CAGE1: variants seen among roughly 807,000 people sequenced by gnomAD.
CAGE1 encodes cancer-associated gene 1 protein.
Under a neutral mutation model 94.9 loss-of-function variants are expected in CAGE1, and 66 were observed. The ratio of observed to expected loss-of-function variants is 0.70; its 90% CI spans 0.57 to 0.85. The LOEUF (loss-of-function observed/expected upper bound fraction) is 0.85. CAGE1 is among the 40% of genes least tolerant of loss of function. The probability of loss-of-function intolerance (pLI) is 0.00; values close to 1 mark genes in which losing one functional copy is unlikely to be tolerated. For missense variants in CAGE1, 865 were observed against 950.4 expected (o/e 0.91, Z 1.18); for synonymous variants, 319 against 321.0 (o/e 0.99, Z 0.07).
chr6:7,374,755 C>T (rs1469336193), intron 4 of CAGE1, among the ~76,000 whole-genome samples: 4 of 152,122 alleles, frequency 2.6e-5, no homozygotes, highest in African/African-American at 7.2e-5. Flanking sequence ...GTAGGCCGGG[C>T]GAGGTAGCTC....
At chr6:7,372,436 A>C (rs1760568514) in intron 5 of CAGE1, among the ~76,000 whole-genome samples, 1 of 146,494 alleles carries the variant, frequency 6.8e-6, no homozygotes, top group East Asian at 2.0e-4. Flanking sequence ...GTGTCACTGC[A>C]CTCCAGCCTG....
chr6:7,373,703 G>T lies in CAGE1; in HGVS notation c.1116C>A (p.Ile372=), dbSNP rs1232466419. The stretch of plus-strand genomic sequence containing the variant: ...TCTTTTTAGTATCATTCTTCTCTAG[G>T]ATTATTTTGTATTTGTCTTCAATTA... ...EELIEDKYKI[I]LEKNDTKKTL... The change falls in exon 5 of 14, where the codon ATC becomes ATA. Residue 372 remains isoleucine (I), a synonymous_variant. Transcript: ENST00000502583. The T allele has an allele frequency of 1.9e-6, 3 of 1,612,368 alleles. No individual in the cohort carries two copies. The highest frequency in any genetic ancestry group is 2.5e-6 in the Non-Finnish European group (3 of 1,179,040).
At chr6:7,379,487 G>A (rs1760862546) in intron 3 of CAGE1, among the ~76,000 whole-genome samples, 1 of 152,216 alleles carries the variant, frequency 6.6e-6, no homozygotes, top group Non-Finnish European at 1.5e-5. Context: ...AAAGTCACTT[G>A]TCCAAAGTCA....
chr6:7,376,782 G>A (rs1040977955), intron 4 of CAGE1, among the ~76,000 whole-genome samples: 12 of 152,036 alleles, frequency 7.9e-5, no homozygotes, highest in African/African-American at 2.4e-4. Context: ...GTTTGCAGAC[G>A]TTCTTCCTTC....
intron 3 of CAGE1, among the ~76,000 whole-genome samples, chr6:7,385,309 C>CTT (rs34599762): frequency 6.8e-5 from 10 of 147,632 alleles, no homozygotes; most frequent in African/African-American, 1.5e-4. Flanking sequence ...CTGGCCCCCG[C>CTT]TTTTTTTTTT....
intron 4 of CAGE1, 100 bp from the exon 5 acceptor site, chr6:7,374,231 G>T: frequency 2.1e-6 from 2 of 950,020 alleles, no homozygotes; most frequent in East Asian, 2.4e-5. Flanking sequence ...TAGATCCCCT[G>T]TTTGGCTTTC....
intron 11 of CAGE1, among the ~76,000 whole-genome samples, chr6:7,337,131 G>C (rs1299255849): frequency 6.6e-6 from 1 of 151,906 alleles, no homozygotes; most frequent in Non-Finnish European, 1.5e-5. Flanking sequence ...GACCAGCCTG[G>C]CCAACATGGT....
Position 7,365,450 on chromosome 6 carries a change from A to T in CAGE1, c.2193+18T>A. ...TGTGTATAAAAATAATAGCAAGGTA[A>T]AAAAAGGTCTTTCTTACCAAGAAAT... On this transcript the variant is annotated intron_variant, in intron 9 of 13. Coordinates refer to ENST00000502583, the MANE Select transcript of CAGE1 (RefSeq NM_001170692.2). 6.2e-7 allele frequency: 1 copy of T among 1,600,750 alleles called. No homozygotes were observed. The highest frequency in any genetic ancestry group is 8.5e-7 in the Non-Finnish European group (1 of 1,171,926).
At chr6:7,367,278 A>ATTTTTTTTTTTTTTTTTTTTTTTTTTT (rs70978961) in intron 7 of CAGE1, among the ~76,000 whole-genome samples, 7 of 111,206 alleles carry the variant, frequency 6.3e-5, no homozygotes, top group African/African-American at 1.5e-4. Context: ...TATTTGGGGG[A>ATTTTTTTTTTTTTTTTTTTTTTTTTTT]TTTTTTTTTT....
At chr6:7,357,747 T>C (rs1370054885) in intron 9 of CAGE1, among the ~76,000 whole-genome samples, 1 of 151,954 alleles carries the variant, frequency 6.6e-6, no homozygotes, top group Non-Finnish European at 1.5e-5. Flanking sequence ...ATAACACATA[T>C]TTAAAGTGTA....
At chr6:7,381,561 C>A (rs1413443304) in intron 3 of CAGE1, among the ~76,000 whole-genome samples, 1 of 145,962 alleles carries the variant, frequency 6.9e-6, no homozygotes, top group African/African-American at 2.5e-5. Context: ...GAGACAGAGT[C>A]TCTGTCACCC....
chr6:7,349,177 T>C (rs1759678157), intron 11 of CAGE1, among the ~76,000 whole-genome samples: 1 of 152,196 alleles, frequency 6.6e-6, no homozygotes, highest in South Asian at 2.1e-4. Context: ...CCAGGTAACC[T>C]ATAAAGGAAA....
rs1758864317 is a variant in CAGE1 at position 7,334,017 on chromosome 6, CT to C, written c.2438+4del. ...TATTAATTTTAAAAATAAAGGGAAA[CT>C]TACCTTGGTTTTCTGGCTTTTTCTC... On this transcript the variant is annotated splice_donor_region_variant and intron_variant, in intron 12 of 13. Coordinates refer to ENST00000502583, the MANE Select transcript of CAGE1 (RefSeq NM_001170692.2). 4 of 1,508,810 alleles carry C rather than the reference CT, an allele frequency of 2.7e-6. No individual in the cohort carries two copies. The highest frequency in any genetic ancestry group is 3.6e-6 in the Non-Finnish European group (4 of 1,111,664). 93.5% of individuals were successfully genotyped at this position (1,508,810 alleles called of 1,614,324 possible). A position where few individuals can be genotyped will look rare whatever the true frequency, so the allele number is the denominator to read the frequency against.
In CAGE1 at chr6:7,367,431, C is replaced by T. The variant is rs554441673; in HGVS notation, c.2004+1257G>A. ...GCTAGGACACAGGTGTGTGCCACCA[C>T]GCCTGGCTAATTTTTGTATTTTTTG... On this transcript the variant is annotated intron_variant, in intron 7 of 13. Coordinates refer to ENST00000502583, the MANE Select transcript of CAGE1 (RefSeq NM_001170692.2). 2.9e-4 allele frequency among the ~76,000 whole-genome samples: 44 copies of T among 152,072 alleles called. 1 individual carries two copies. Among genetic ancestry groups the T allele is most frequent in the African/African-American group, 1.0e-3 (42 of 41,470 alleles).
chr6:7,368,919 G>T (rs1249463031), intron 6 of CAGE1, 121 bp from the exon 7 acceptor site: 7 of 596,738 alleles, frequency 1.2e-5, no homozygotes, highest in Non-Finnish European at 1.7e-5. Flanking sequence ...ATCAAAAGAG[G>T]TAAAATCATA....
Position 7,373,449 on chromosome 6 carries a change from T to C in CAGE1, c.1370A>G (p.Gln457Arg). The C allele has an allele frequency of 6.2e-7, 1 of 1,613,850 alleles. No individual in the cohort carries two copies. The highest frequency in any genetic ancestry group is 8.5e-7 in the Non-Finnish European group (1 of 1,179,854). ...KKEEEVERLQ[Q>R]LKKELEKATA... ...GGCCTTTTCCAGTTCTTTTTTGAGTTGTTGTAGTCTCTCTACCTCTTCTTC... is the reference window on the plus strand; with the variant it reads ...GGCCTTTTCCAGTTCTTTTTTGAGTCGTTGTAGTCTCTCTACCTCTTCTTC... The change falls in exon 5 of 14, where the codon CAA becomes CGA. Residue 457 changes from glutamine to arginine, a missense_variant. Coordinates refer to ENST00000502583, the MANE Select transcript of CAGE1 (RefSeq NM_001170692.2).
intron 4 of CAGE1, among the ~76,000 whole-genome samples, chr6:7,375,556 G>A (rs1218930284): frequency 6.6e-6 from 1 of 152,166 alleles, no homozygotes; most frequent in Non-Finnish European, 1.5e-5. Context: ...GGGTAACACA[G>A]TGATACCCTA....
At chr6:7,354,656 T>C (rs1759889815) in intron 11 of CAGE1, among the ~76,000 whole-genome samples, 1 of 152,168 alleles carries the variant, frequency 6.6e-6, no homozygotes. Flanking sequence ...TTCTCATGAG[T>C]TTATTTCCTT....
At chr6:7,353,563 A>G (rs1265289820) in intron 11 of CAGE1, among the ~76,000 whole-genome samples, 1 of 152,206 alleles carries the variant, frequency 6.6e-6, no homozygotes, top group East Asian at 1.9e-4. Context: ...CCAGAGGAAC[A>G]TAAGTCATTA....
Sources: gnomAD v4.1 joint callset for allele counts (sites outside exome capture counted in the v4.1 genomes callset) on GRCh38, gnomAD v4.1.1 for gene constraint, MANE v1.5 for transcripts, NCBI Gene and HGNC (gene_info 2026-07-23, HGNC 2026-07-21) for gene names.